PCDHA6: variants seen among roughly 807,000 people sequenced by gnomAD.
The protein encoded by PCDHA6 is protocadherin alpha-6.
Under a neutral mutation model 60.3 loss-of-function variants are expected in PCDHA6, and 55 were observed. The ratio of observed to expected loss-of-function variants is 0.91; its 90% CI spans 0.73 to 1.14. PCDHA6 has a LOEUF of 1.14. Ranked by LOEUF, PCDHA6 falls within the 50% of genes most tolerant of loss-of-function variation. The pLI is 0.00. For synonymous variants in PCDHA6, 652 were observed against 557.9 expected, an observed-to-expected ratio of 1.17 and a Z score of -2.38; for missense variants, 1,327 against 1,256.5, an observed-to-expected ratio of 1.06 and a Z score of -0.85.
intron 1 of PCDHA6, chr5:140,836,822 T>C: frequency 9.7e-7 from 1 of 1,033,238 alleles, no homozygotes; most frequent in African/African-American, 1.6e-5. Flanking sequence ...ATAATTTCTT[T>C]TTTAGTTGAT....
intron 1 of PCDHA6, chr5:140,842,014 A>C: frequency 6.2e-7 from 1 of 1,613,836 alleles, no homozygotes; most frequent in Non-Finnish European, 8.5e-7. Flanking sequence ...TGCTGGTCAC[A>C]GTGCTGGATG....
chr5:140,831,986 C>G (rs915163215), intron 1 of PCDHA6, among the ~76,000 whole-genome samples: 1 of 152,134 alleles, frequency 6.6e-6, no homozygotes, highest in African/African-American at 2.4e-5. Flanking sequence ...ACTCTCATTA[C>G]GGATTCCATA....
intron 1 of PCDHA6, among the ~76,000 whole-genome samples, chr5:140,884,922 T>C (rs1253595342): frequency 6.6e-6 from 1 of 152,246 alleles, no homozygotes; most frequent in African/African-American, 2.4e-5. Context: ...TAGTTCTAAG[T>C]ATTTATCTTG....
At chr5:140,988,828 A>C (rs1554250455) in intron 3 of PCDHA6, 1 of 152,170 alleles carries the variant, frequency 6.6e-6, no homozygotes, top group Non-Finnish European at 1.5e-5. Flanking sequence ...CCAAACAGAG[A>C]TCACGTGTCT....
chr5:140,925,570 A>G (rs531387558), intron 1 of PCDHA6, among the ~76,000 whole-genome samples: 1 of 152,008 alleles, frequency 6.6e-6, no homozygotes, highest in African/African-American at 2.4e-5. Flanking sequence ...TGGGTGCAGC[A>G]CACCAACATG....
At chr5:140,876,859 T>A in intron 1 of PCDHA6, 1 of 1,614,068 alleles carries the variant, frequency 6.2e-7, no homozygotes, top group Non-Finnish European at 8.5e-7. Flanking sequence ...GTACACAGTG[T>A]TCGTGAAGGA....
chr5:140,884,059 G>A, intron 1 of PCDHA6: 4 of 1,613,546 alleles, frequency 2.5e-6, no homozygotes, highest in Non-Finnish European at 3.4e-6. Context: ...TGCGCGCGGT[G>A]GACGCCGATT....
At chr5:140,838,642 A>G (rs1255471339) in intron 1 of PCDHA6, among the ~76,000 whole-genome samples, 7 of 152,060 alleles carry the variant, frequency 4.6e-5, no homozygotes, top group African/African-American at 1.5e-4. Context: ...GTTGGTCAAA[A>G]AAATGATAGT....
intron 3 of PCDHA6, among the ~76,000 whole-genome samples, chr5:141,007,932 A>T (rs150576416): frequency 3.9e-5 from 6 of 152,336 alleles, no homozygotes; most frequent in Non-Finnish European, 7.3e-5. Context: ...CTGGAATTCT[A>T]AGCCACCTTT....
In PCDHA6 at chr5:140,871,203, C is replaced by A. The variant is rs369236762; in HGVS notation, c.2394+40718C>A. On this transcript the variant is annotated intron_variant, in intron 1 of 3. Transcript: ENST00000529310. ...TGGTGGATGTCAACGTGTACCTGAT[C>A]ATCGCCATCTGCGTGGTGTCCAGCC... The A allele has an allele frequency of 6.3e-5, 101 of 1,613,744 alleles. No homozygotes were observed. The African/African-American group carries it at 1.3e-3, about 21-fold the overall frequency.
intron 1 of PCDHA6, chr5:140,842,572 A>C (rs2150339542): frequency 0.42 from 640,316 of 1,537,946 alleles, 166,648 homozygotes; most frequent in South Asian, 0.52. Context: ...ACCGCGAGAG[A>C]GTGTCGGCCT....
chr5:140,944,277 C>T (rs922160593), intron 1 of PCDHA6, among the ~76,000 whole-genome samples: 1 of 152,044 alleles, frequency 6.6e-6, no homozygotes, highest in Non-Finnish European at 1.5e-5. Flanking sequence ...AGCCTTGACA[C>T]CCCGGGCTCA....
intron 1 of PCDHA6, chr5:140,836,929 A>G (rs1244897487): frequency 4.0e-6 from 2 of 498,160 alleles, no homozygotes; most frequent in Non-Finnish European, 6.9e-6. Flanking sequence ...GGGATGCGTA[A>G]TACTATAGAT....
chr5:140,916,053 G>T (rs1378949362), intron 1 of PCDHA6, among the ~76,000 whole-genome samples: 1 of 152,104 alleles, frequency 6.6e-6, no homozygotes, highest in African/African-American at 2.4e-5. Flanking sequence ...AGGCAGAGGT[G>T]CCTCTCCCTG....
chr5:140,928,801 G>C, intron 1 of PCDHA6: 1 of 1,614,184 alleles, frequency 6.2e-7, no homozygotes, highest in Non-Finnish European at 8.5e-7. Context: ...GGTGGTGGTA[G>C]TGGTTCGGGA....
At chr5:140,913,379 C>T (rs1554195889) in intron 1 of PCDHA6, among the ~76,000 whole-genome samples, 1 of 152,134 alleles carries the variant, frequency 6.6e-6, no homozygotes, top group Non-Finnish European at 1.5e-5. Context: ...CATATAGTGG[C>T]TCATCATAGC....
chr5:140,861,421 T>C, intron 1 of PCDHA6: 2 of 481,940 alleles, frequency 4.1e-6, no homozygotes, highest in South Asian at 3.2e-5. Context: ...CCGCGCCTGT[T>C]TCAGTTGGAT....
chr5:140,867,125 A>G (rs781885950), intron 1 of PCDHA6: 1 of 152,144 alleles, frequency 6.6e-6, no homozygotes, highest in Non-Finnish European at 1.5e-5. Flanking sequence ...TTTTAATTCA[A>G]ATATGTGATA....
intron 1 of PCDHA6, chr5:140,882,497 G>A (rs1554174299): frequency 6.2e-7 from 1 of 1,614,140 alleles, no homozygotes; most frequent in South Asian, 1.1e-5. Context: ...CCTTCTGGAG[G>A]TAAATCTGCA....
Sources: gnomAD v4.1 joint callset for allele counts (sites outside exome capture counted in the v4.1 genomes callset) on GRCh38, gnomAD v4.1.1 for gene constraint, MANE v1.5 for transcripts, NCBI Gene and HGNC (gene_info 2026-07-23, HGNC 2026-07-21) for gene names.